PRKN: variants seen among roughly 807,000 people sequenced by gnomAD.
PRKN encodes E3 ubiquitin-protein ligase parkin.
A neutral mutation model predicts 59.5 loss-of-function variants in PRKN; 56 were observed. The observed-to-expected ratio is 0.94, with a 90% CI of 0.76 to 1.18. The LOEUF is 1.18. Ranked by LOEUF, PRKN falls within the 50% of genes most tolerant of loss-of-function variation. PRKN has a pLI of 0.00. For synonymous variants in PRKN, 250 were observed against 222.1 expected, an observed-to-expected ratio of 1.13 and a Z score of -1.12; for missense variants, 657 against 596.4, an observed-to-expected ratio of 1.10 and a Z score of -1.06.
intron 4 of PRKN, among the ~76,000 whole-genome samples, chr6:162,175,193 C>G (rs1218731271): frequency 6.6e-6 from 1 of 152,174 alleles, no homozygotes; most frequent in East Asian, 1.9e-4. Context: ...CTCCAAGTCT[C>G]CCTCCAGGCA....
At chr6:161,728,496 T>C (rs751627118) in intron 7 of PRKN, among the ~76,000 whole-genome samples, 1 of 152,050 alleles carries the variant, frequency 6.6e-6, no homozygotes, top group Non-Finnish European at 1.5e-5. Flanking sequence ...CCCACCTGAT[T>C]GAAAGTAGAA....
chr6:161,664,116 A>G (rs1784644295), intron 7 of PRKN, among the ~76,000 whole-genome samples: 1 of 152,218 alleles, frequency 6.6e-6, no homozygotes, highest in Non-Finnish European at 1.5e-5. Flanking sequence ...CATGGAAGTC[A>G]GGAGCTTATG....
intron 3 of PRKN, among the ~76,000 whole-genome samples, chr6:162,252,986 G>A (rs895793534): frequency 6.6e-6 from 1 of 152,246 alleles, no homozygotes; most frequent in Non-Finnish European, 1.5e-5. Context: ...AGCCCAGAGT[G>A]AGAGGAAATG....
chr6:161,802,197 C>T (rs1402966901), intron 6 of PRKN, among the ~76,000 whole-genome samples: 1 of 152,024 alleles, frequency 6.6e-6, no homozygotes, highest in South Asian at 2.1e-4. Flanking sequence ...AAGTTATAGC[C>T]TCTCACTCCT....
chr6:161,829,872 C>T (rs4642445), intron 6 of PRKN, among the ~76,000 whole-genome samples: 42,672 of 147,644 alleles, frequency 0.29, 6,778 homozygotes, highest in African/African-American at 0.43. Flanking sequence ...AAAAAAAATG[C>T]CAATACAAGA....
At chr6:161,886,950 C>T (rs1795177803) in intron 6 of PRKN, among the ~76,000 whole-genome samples, 2 of 152,072 alleles carry the variant, frequency 1.3e-5, no homozygotes, top group African/African-American at 4.8e-5. Context: ...GATATGTTTG[C>T]TTGTCAAAAA....
chr6:162,266,834 TCC>T (rs1339910151), intron 2 of PRKN, among the ~76,000 whole-genome samples: 1 of 152,176 alleles, frequency 6.6e-6, no homozygotes, highest in Admixed American at 6.5e-5. Flanking sequence ...AGAGGATGGG[TCC>T]CTAATCTTGT....
intron 5 of PRKN, among the ~76,000 whole-genome samples, chr6:162,025,783 T>C (rs1242476606): frequency 6.6e-6 from 1 of 151,682 alleles, no homozygotes; most frequent in Non-Finnish European, 1.5e-5. Context: ...GAGATGGGGT[T>C]TCACCATGTT....
intron 1 of PRKN, among the ~76,000 whole-genome samples, chr6:162,590,192 A>C (rs1055608621): frequency 6.6e-6 from 1 of 152,194 alleles, no homozygotes; most frequent in African/African-American, 2.4e-5. Context: ...ATAAATGCTC[A>C]TTATGGAATT....
intron 6 of PRKN, among the ~76,000 whole-genome samples, chr6:161,812,395 G>A (rs1791601539): frequency 6.6e-6 from 1 of 151,886 alleles, no homozygotes; most frequent in South Asian, 2.1e-4. Flanking sequence ...TGTCCAAAAG[G>A]GGGAAAAAAA....
At chr6:162,060,783 A>G (rs191723921) in intron 4 of PRKN, among the ~76,000 whole-genome samples, 11 of 152,356 alleles carry the variant, frequency 7.2e-5, no homozygotes, top group African/African-American at 2.6e-4. Flanking sequence ...CAAAATGTTA[A>G]TAGAAAACCA....
At chr6:162,046,573 G>C (rs146053502) in intron 5 of PRKN, among the ~76,000 whole-genome samples, 1 of 152,180 alleles carries the variant, frequency 6.6e-6, no homozygotes, top group Non-Finnish European at 1.5e-5. Context: ...TGCTACAGCC[G>C]CACTGGTTCT....
chr6:162,181,988 A>G (rs1316307073), intron 4 of PRKN, among the ~76,000 whole-genome samples: 1 of 152,202 alleles, frequency 6.6e-6, no homozygotes, highest in Non-Finnish European at 1.5e-5. Context: ...ATTATCCCAG[A>G]ATACGTACAA....
At chr6:161,832,129 A>G (rs902981444) in intron 6 of PRKN, among the ~76,000 whole-genome samples, 4 of 152,346 alleles carry the variant, frequency 2.6e-5, no homozygotes, top group African/African-American at 9.6e-5. Flanking sequence ...TACTCTTGAC[A>G]CTTTTCAATT....
chr6:161,697,179 T>C (rs932691595), intron 7 of PRKN, among the ~76,000 whole-genome samples: 1 of 152,152 alleles, frequency 6.6e-6, no homozygotes, highest in Non-Finnish European at 1.5e-5. Context: ...GTATCTGAAA[T>C]AAGGAAACTA....
chr6:162,679,051 A>G (rs1055384974), intron 1 of PRKN, among the ~76,000 whole-genome samples: 6 of 148,430 alleles, frequency 4.0e-5, no homozygotes, highest in African/African-American at 1.2e-4. Context: ...GCGGGATTAC[A>G]GACGTGAGCC....
In PRKN at chr6:161,470,357, C is replaced by A. The variant is rs1194177000; in HGVS notation, c.1083+78497G>T. 6.6e-6 allele frequency among the ~76,000 whole-genome samples: 1 copy of A among 152,154 alleles called. No homozygotes were observed. Among genetic ancestry groups the A allele is most frequent in the Non-Finnish European group, 1.5e-5 (1 of 68,032 alleles). On this transcript the variant is annotated intron_variant, in intron 9 of 11. Transcript: ENST00000366898. This position sits in a 1 kb window ranked among gnomAD's most constrained non-coding sequence, Gnocchi z 5.1. Reference sequence around the variant, plus strand: ...ACGGCTCTACCCAGTGCTCATCACTCTTCTGCTGGAGCTGGGAGTGGTGGA... The same window carrying A: ...ACGGCTCTACCCAGTGCTCATCACTATTCTGCTGGAGCTGGGAGTGGTGGA...
intron 6 of PRKN, among the ~76,000 whole-genome samples, chr6:161,864,302 C>A (rs906831099): frequency 2.0e-5 from 3 of 152,194 alleles, no homozygotes; most frequent in Admixed American, 1.3e-4. Flanking sequence ...AATGTTCACA[C>A]CATCTTCACC....
At chr6:162,313,396 C>T (rs1268098859) in intron 2 of PRKN, among the ~76,000 whole-genome samples, 1 of 152,150 alleles carries the variant, frequency 6.6e-6, no homozygotes, top group Non-Finnish European at 1.5e-5. Context: ...CATCATGTCT[C>T]AAGGTCTTTG....
Sources: allele counts gnomAD v4.1 joint callset (sites outside exome capture counted in the v4.1 genomes callset), GRCh38; gene constraint gnomAD v4.1.1; non-coding constraint Gnocchi (gnomAD v3.1); transcripts MANE v1.5; gene names NCBI Gene and HGNC (gene_info 2026-07-23, HGNC 2026-07-21).